Variants in CMIP observed in about 807,000 individuals in gnomAD.
CMIP encodes the protein C-Maf-inducing protein.
In CMIP, 13 loss-of-function variants were observed where a neutral mutation model predicts 97.3. The ratio of observed to expected loss-of-function variants is 0.13; its 90% CI spans 0.09 to 0.21. The LOEUF is 0.21. Among genes scored for constraint, CMIP ranks in the 10% least tolerant of loss-of-function variants. The pLI is 1.00. For synonymous variants in CMIP, 538 were observed against 436.3 expected (o/e 1.23, Z -2.91); for missense variants, 847 against 1,024.9 (o/e 0.83, Z 2.37).
chr16:81,480,396 C>G (rs576804023), intron 1 of CMIP, among the ~76,000 whole-genome samples: 1 of 152,272 alleles, frequency 6.6e-6, no homozygotes, highest in South Asian at 2.1e-4. Context: ...AAAAATTAGC[C>G]AGGCGTGGTG....
At chr16:81,639,549 G>T (rs776475419) in intron 3 of CMIP, among the ~76,000 whole-genome samples, 1 of 152,188 alleles carries the variant, frequency 6.6e-6, no homozygotes, top group Non-Finnish European at 1.5e-5. Context: ...TGTCCCCAAG[G>T]TTCATTCATA....
chr16:81,585,583 A>T (rs2091368292), intron 1 of CMIP, among the ~76,000 whole-genome samples: 1 of 152,144 alleles, frequency 6.6e-6, no homozygotes, highest in East Asian at 1.9e-4. Flanking sequence ...AACCCTTTGT[A>T]TCAGGCTTCT....
chr16:81,662,249 C>G (rs766607669), intron 6 of CMIP, among the ~76,000 whole-genome samples: 1 of 152,198 alleles, frequency 6.6e-6, no homozygotes, highest in Non-Finnish European at 1.5e-5. Flanking sequence ...ACCCAGATCT[C>G]ATGATTCTCA....
At chr16:81,675,967 T>G (rs1904301368) in intron 9 of CMIP, among the ~76,000 whole-genome samples, 1 of 152,120 alleles carries the variant, frequency 6.6e-6, no homozygotes. Flanking sequence ...TGGCAGAACT[T>G]TTATCCTGGG....
intron 1 of CMIP, among the ~76,000 whole-genome samples, chr16:81,477,212 G>A (rs1907978758): frequency 1.3e-5 from 2 of 152,076 alleles, no homozygotes; most frequent in South Asian, 4.1e-4. Flanking sequence ...CTGGAGTGCA[G>A]TGGTGTGGTC....
chr16:81,493,362 G>A (rs1307905056), intron 1 of CMIP, among the ~76,000 whole-genome samples: 1 of 150,274 alleles, frequency 6.7e-6, no homozygotes, highest in Non-Finnish European at 1.5e-5. Flanking sequence ...GTTACCTGTC[G>A]TTACCTGTCG....
At chr16:81,451,547 C>T (rs1221267352) in intron 1 of CMIP, among the ~76,000 whole-genome samples, 1 of 152,108 alleles carries the variant, frequency 6.6e-6, no homozygotes, top group Non-Finnish European at 1.5e-5. Flanking sequence ...TTGCTTAATT[C>T]TTTGGGATGG....
chr16:81,576,990 C>G (rs2091200016), intron 1 of CMIP, among the ~76,000 whole-genome samples: 1 of 147,902 alleles, frequency 6.8e-6, no homozygotes, highest in African/African-American at 2.6e-5. Context: ...AGCATCACCA[C>G]CAACATCCCC....
intron 2 of CMIP, among the ~76,000 whole-genome samples, chr16:81,612,583 C>T (rs949684605): frequency 6.6e-6 from 1 of 152,172 alleles, no homozygotes; most frequent in African/African-American, 2.4e-5. Flanking sequence ...TGGAAAAGGT[C>T]GCTCACAGCG....
intron 1 of CMIP, among the ~76,000 whole-genome samples, chr16:81,503,748 T>G (rs1301672319): frequency 6.6e-6 from 1 of 152,230 alleles, no homozygotes; most frequent in Non-Finnish European, 1.5e-5. Context: ...TGTGGATGTC[T>G]AGAAGTGAAT....
intron 1 of CMIP, among the ~76,000 whole-genome samples, chr16:81,508,410 A>C (rs2089750090): frequency 6.6e-6 from 1 of 152,188 alleles, no homozygotes; most frequent in South Asian, 2.1e-4. Context: ...TTTTCTCACT[A>C]AACAATAGTG....
At chr16:81,657,331 A>G (rs139043454) in intron 4 of CMIP, among the ~76,000 whole-genome samples, 1 of 152,338 alleles carries the variant, frequency 6.6e-6, no homozygotes, top group Non-Finnish European at 1.5e-5. Context: ...TGTTACTCCT[A>G]AAAGGCTGCC....
intron 1 of CMIP, among the ~76,000 whole-genome samples, chr16:81,599,512 G>A (rs4889348): frequency 0.061 from 9,303 of 152,262 alleles, 444 homozygotes; most frequent in East Asian, 0.28. Context: ...GCAACAGAAG[G>A]GTGGACCTGA....
intron 2 of CMIP, chr16:81,617,489 G>C (rs2091934751): frequency 6.6e-6 from 1 of 152,326 alleles, no homozygotes; most frequent in Non-Finnish European, 1.5e-5. Flanking sequence ...CACTGTTGAG[G>C]AGGGCTGGAA....
rs770513198 is a variant in CMIP, at chr16:81,652,200, C to A, written c.478-3C>A. ...TTGCTGTCTCTTTATCTCTTTCAAC[C>A]AGAAAAAGATTTACAAATATAAGAA... On this transcript the variant is annotated splice_polypyrimidine_tract_variant and splice_region_variant and intron_variant, in intron 3 of 20. Transcript: ENST00000537098. The surrounding 1 kb of genome is among the most constrained non-coding windows in gnomAD (Gnocchi z 5.2). 1.7e-5 allele frequency: 27 copies of A among 1,609,604 alleles called. No homozygotes were observed. The highest frequency in any genetic ancestry group is 1.2e-4 in the Admixed American group (7 of 59,752).
chr16:81,505,639 C>T (rs980898439), intron 1 of CMIP, among the ~76,000 whole-genome samples: 3 of 152,230 alleles, frequency 2.0e-5, no homozygotes, highest in African/African-American at 7.2e-5. Context: ...AAGATCATTT[C>T]CCTCTTGTAA....
chr16:81,521,114 G>A (rs947960210), intron 1 of CMIP, among the ~76,000 whole-genome samples: 4 of 152,234 alleles, frequency 2.6e-5, no homozygotes, highest in African/African-American at 7.2e-5. Flanking sequence ...AGGAACAGGA[G>A]GAGGGCTTTT....
At position 81,701,692 on chromosome 16, in the gene CMIP, C is replaced by T. The variant is rs778182449; in HGVS notation, c.1788C>T (p.Ile596=). ...ILCLMLEYNI[I]DNNDTQLQII... The stretch of plus-strand genomic sequence containing the variant: ...GCTTGATGCTGGAATACAACATCAT[C>T]GACAACAACGACACCCAACTGCAGA... Residue 596 remains isoleucine (I), a synonymous_variant, in exon 16 of 21, where the codon ATC becomes ATT. Transcript: ENST00000537098. 7 of 1,613,852 alleles carry T rather than the reference C, an allele frequency of 4.3e-6. No individual in the cohort carries two copies. Among genetic ancestry groups the T allele is most frequent in the South Asian group, 3.3e-5 (3 of 91,084 alleles).
intron 1 of CMIP, among the ~76,000 whole-genome samples, chr16:81,560,450 C>T (rs942246267): frequency 1.3e-5 from 2 of 152,120 alleles, no homozygotes; most frequent in African/African-American, 2.4e-5. Flanking sequence ...GATCTCCTGA[C>T]CTCGTGATCC....
Sources: gnomAD v4.1 joint callset for allele counts (sites outside exome capture counted in the v4.1 genomes callset) on GRCh38, gnomAD v4.1.1 for gene constraint, Gnocchi (gnomAD v3.1) non-coding constraint, MANE v1.5 for transcripts, NCBI Gene and HGNC (gene_info 2026-07-23, HGNC 2026-07-21) for gene names.